The following LMX1A variants were observed in gnomAD, a reference collection of about 807,000 sequenced individuals.
LMX1A encodes LIM homeobox transcription factor 1-alpha.
A neutral mutation model predicts 49.1 loss-of-function variants in LMX1A; 15 were observed. The ratio of observed to expected loss-of-function variants is 0.31; its 90% CI spans 0.20 to 0.47. The LOEUF (loss-of-function observed/expected upper bound fraction) is 0.47, where lower values mean the gene tolerates loss of function less well. Among genes scored for constraint, LMX1A ranks in the 20% least tolerant of loss-of-function variants. The probability of loss-of-function intolerance (pLI) is 1.00; values close to 1 mark genes in which losing one functional copy is unlikely to be tolerated. For synonymous variants in LMX1A, 167 were observed against 185.7 expected (o/e 0.90, Z 0.82); for missense variants, 372 against 475.8 (o/e 0.78, Z 2.03).
intron 3 of LMX1A, among the ~76,000 whole-genome samples, chr1:165,282,376 T>A (rs995219031): frequency 2.0e-5 from 3 of 152,258 alleles, no homozygotes; most frequent in Non-Finnish European, 4.4e-5. Flanking sequence ...TATGTGCATG[T>A]AACCTACGCA....
chr1:165,259,607 G>T (rs1378341797), intron 3 of LMX1A, among the ~76,000 whole-genome samples: 1 of 152,110 alleles, frequency 6.6e-6, no homozygotes, highest in Non-Finnish European at 1.5e-5. Context: ...CACCAAGAGA[G>T]CAGTCAACCT....
intron 3 of LMX1A, among the ~76,000 whole-genome samples, chr1:165,297,510 T>G (rs1197106010): frequency 1.3e-5 from 2 of 152,158 alleles, no homozygotes; most frequent in Non-Finnish European, 2.9e-5. Context: ...AGTTTGCACT[T>G]AAGAAGCAGA....
chr1:165,281,342 G>A lies in LMX1A; in HGVS notation c.264-31702C>T, dbSNP rs60349526. Among the ~76,000 whole-genome samples the A allele has an allele frequency of 4.3e-3, 661 of 152,336 alleles. 10 individuals are homozygous for A. Among genetic ancestry groups the A allele is most frequent in the African/African-American group, 0.015 (633 of 41,570 alleles). ...GGTGTCAGCTGAGCTGGCATACCCAGCTCTAAAGCACAGACCAGGGCTTCC... is the reference window on the plus strand; with the variant it reads ...GGTGTCAGCTGAGCTGGCATACCCAACTCTAAAGCACAGACCAGGGCTTCC... On this transcript the variant is annotated intron_variant, in intron 3 of 8. Transcript: ENST00000342310.
At chr1:165,290,780 A>G (rs113179169) in intron 3 of LMX1A, among the ~76,000 whole-genome samples, 76 of 152,114 alleles carry the variant, frequency 5.0e-4, no homozygotes, top group Middle Eastern at 3.4e-3. Flanking sequence ...TCTCCGGACC[A>G]CCAACATCAC....
intron 3 of LMX1A, among the ~76,000 whole-genome samples, chr1:165,305,142 G>A (rs542049435): frequency 6.6e-6 from 1 of 152,314 alleles, no homozygotes; most frequent in South Asian, 2.1e-4. Flanking sequence ...CATAGTAGGT[G>A]CTAGTGAAAG....
intron 3 of LMX1A, among the ~76,000 whole-genome samples, chr1:165,262,181 G>T (rs1036824339): frequency 4.6e-5 from 7 of 152,192 alleles, no homozygotes; most frequent in African/African-American, 1.7e-4. Context: ...GCAGCTAGGG[G>T]TAGCCATGTG....
At chr1:165,342,054 T>C (rs565005918) in intron 3 of LMX1A, among the ~76,000 whole-genome samples, 1 of 152,340 alleles carries the variant, frequency 6.6e-6, no homozygotes, top group Admixed American at 6.5e-5. Flanking sequence ...CTCTCCAAAA[T>C]GGACTAGAAC....
chr1:165,214,258 C>T (rs1334578403), intron 4 of LMX1A, among the ~76,000 whole-genome samples: 1 of 152,192 alleles, frequency 6.6e-6, no homozygotes, highest in African/African-American at 2.4e-5. Flanking sequence ...GCTTCTTTCA[C>T]ACTCTTTCTC....
rs941187608 is a variant in LMX1A, at chr1:165,339,944, T to G, written c.263+13132A>C. 3.3e-5 allele frequency among the ~76,000 whole-genome samples: 5 copies of G among 152,212 alleles called. No individual in the cohort carries two copies. The East Asian group carries it at 7.7e-4, about 23-fold the overall frequency. ...ATCCCAAAGCATCTTCCCTTCATTC[T>G]ATCTCTACCCCAAGTGGTATCTTTG... On this transcript the variant is annotated intron_variant, in intron 3 of 8. Coordinates refer to ENST00000342310, the MANE Select transcript of LMX1A (RefSeq NM_177398.4).
chr1:165,260,763 C>T (rs1035167501), intron 3 of LMX1A, among the ~76,000 whole-genome samples: 4 of 152,094 alleles, frequency 2.6e-5, no homozygotes, highest in African/African-American at 9.7e-5. Context: ...GGGAGGCAAA[C>T]AAGAAAAGAA....
intron 8 of LMX1A, among the ~76,000 whole-genome samples, chr1:165,204,362 G>C (rs776863397): frequency 2.0e-5 from 3 of 152,230 alleles, no homozygotes; most frequent in Non-Finnish European, 4.4e-5. Context: ...ACTTGGGCCT[G>C]AAAAATGATG....
At chr1:165,259,083 T>C (rs1653344509) in intron 3 of LMX1A, among the ~76,000 whole-genome samples, 1 of 152,244 alleles carries the variant, frequency 6.6e-6, no homozygotes, top group Non-Finnish European at 1.5e-5. Flanking sequence ...TAAATATTTA[T>C]ATAAGATAAT....
chr1:165,353,284 G>A, intron 2 of LMX1A, 22 bp from the exon 3 acceptor site: 1 of 1,603,270 alleles, frequency 6.2e-7, no homozygotes. Flanking sequence ...ACAGACGTTG[G>A]CGGGTGAGCA....
chr1:165,319,924 G>A (rs530491303), intron 3 of LMX1A, among the ~76,000 whole-genome samples: 8 of 152,142 alleles, frequency 5.3e-5, no homozygotes, highest in Admixed American at 2.0e-4. Flanking sequence ...TTACAACATG[G>A]TAACTCTCAA....
chr1:165,293,058 A>G (rs143580740), intron 3 of LMX1A, among the ~76,000 whole-genome samples: 1,890 of 151,892 alleles, frequency 0.012, 18 homozygotes, highest in Non-Finnish European at 0.021. Context: ...TGGAGGTTGC[A>G]GTGAGCCGAG....
chr1:165,210,188 G>A lies in LMX1A; in HGVS notation c.747+511C>T, dbSNP rs77284665. ...GAGGTAGGTAGATGAATGAGCAAAA[G>A]GTCTAAAACTAAAACCATGATGAGG... On this transcript the variant is annotated intron_variant, in intron 6 of 8. Transcript: ENST00000342310. Among the ~76,000 whole-genome samples the A allele has an allele frequency of 6.0e-3, 917 of 152,290 alleles. 48 individuals carry two copies. In the East Asian group the frequency reaches 0.12, roughly 20 times the overall value.
chr1:165,352,644 G>A (rs1443837919), intron 3 of LMX1A, among the ~76,000 whole-genome samples: 1 of 152,210 alleles, frequency 6.6e-6, no homozygotes, highest in Non-Finnish European at 1.5e-5. Context: ...CGCGACGCTG[G>A]CGCGGACACC....
chr1:165,256,631 A>G (rs1225054851), intron 3 of LMX1A, among the ~76,000 whole-genome samples: 1 of 152,258 alleles, frequency 6.6e-6, no homozygotes, highest in Non-Finnish European at 1.5e-5. Flanking sequence ...TATTAATAGA[A>G]GAGTATCATT....
In LMX1A at chr1:165,202,235, C is replaced by A. The variant is rs970469625; in HGVS notation, c.*1645G>T. On this transcript the variant is annotated 3_prime_UTR_variant, in exon 9 of 9. Coordinates refer to ENST00000342310, the MANE Select transcript of LMX1A (RefSeq NM_177398.4). ...TCCTGGATGGGTCCACAGTGACCCG[C>A]TGTCTTCCCCACCAACTCATTCTGG... 6.5e-6 allele frequency: 1 copy of A among 152,730 alleles called. No homozygotes were observed. The highest frequency in any genetic ancestry group is 1.5e-5 in the Non-Finnish European group (1 of 68,142). The allele number at this position is 152,730 out of a possible 1,614,324, so 9.5% of individuals were successfully genotyped here. A position where few individuals can be genotyped will look rare whatever the true frequency, so the allele number is the denominator to read the frequency against.
Sources: gnomAD v4.1 joint callset for allele counts (sites outside exome capture counted in the v4.1 genomes callset) on GRCh38, gnomAD v4.1.1 for gene constraint, MANE v1.5 for transcripts, NCBI Gene and HGNC (gene_info 2026-07-23, HGNC 2026-07-21) for gene names.